The following USP7 variants were observed in gnomAD, a reference collection of about 807,000 sequenced individuals.
The protein encoded by USP7 is ubiquitin specific peptidase 7, also known as ubiquitin C-terminal hydrolase 7.
A neutral mutation model predicts 162.9 loss-of-function variants in USP7; 9 were observed. The observed-to-expected ratio is 0.06, with a 90% CI of 0.03 to 0.10. The LOEUF (loss-of-function observed/expected upper bound fraction) is 0.10. USP7 is among the 10% of genes least tolerant of loss of function. The pLI is 1.00. For missense variants in USP7, 715 were observed against 1,373.7 expected (o/e 0.52, Z 7.58); for synonymous variants, 562 against 475.9 (o/e 1.18, Z -2.35).
intron 21 of USP7, 128 bp from the exon 22 acceptor site, chr16:8,899,885 CT>C (rs1358155839): frequency 8.6e-7 from 1 of 1,167,042 alleles, no homozygotes; most frequent in Non-Finnish European, 1.3e-6. Context: ...TCAGGTTCCC[CT>C]TTGAGGGGGC....
chr16:8,944,952 A>G (rs985932183), intron 1 of USP7, among the ~76,000 whole-genome samples: 18 of 152,148 alleles, frequency 1.2e-4, no homozygotes, highest in African/African-American at 4.3e-4. Flanking sequence ...TACTAAAAAT[A>G]CAAAAATTAG....
In USP7 at chr16:8,954,173, TGCG is replaced by T. The variant is rs1899683320; in HGVS notation, c.79+9031_79+9033del. ...AGGCAGAGGGAAGACACGTGCCCCC[TGCG>T]GTGCCACTGGAGGCAGAGGGAAGAC... On this transcript the variant is annotated intron_variant, in intron 1 of 30. Transcript: ENST00000344836. 6.1e-5 allele frequency among the ~76,000 whole-genome samples: 4 copies of T among 65,892 alleles called. 1 individual carries two copies. Among genetic ancestry groups the T allele is most frequent in the Admixed American group, 1.7e-4 (1 of 5,978 alleles). The allele number at this position is 65,892 out of a possible 152,430, so 43.2% of individuals were successfully genotyped here. A position where few individuals can be genotyped will look rare whatever the true frequency, so the allele number is the denominator to read the frequency against.
intron 1 of USP7, chr16:8,962,549 C>A (rs1308943067): frequency 4.6e-6 from 2 of 433,364 alleles, no homozygotes; most frequent in Non-Finnish European, 9.3e-6. Context: ...AAGCGCACAC[C>A]TGGCCGGATG....
chr16:8,900,110 C>A (rs1896271505), intron 21 of USP7: 1 of 384,310 alleles, frequency 2.6e-6, no homozygotes, highest in Admixed American at 4.5e-5. Context: ...GACCGTGAGT[C>A]AGGAAATCTG....
chr16:8,929,416 T>A (rs1461285758), intron 2 of USP7: 3 of 452,848 alleles, frequency 6.6e-6, no homozygotes, highest in East Asian at 6.9e-5. Flanking sequence ...AACCGCACTG[T>A]GAGAGAACTC....
Position 8,893,830 on chromosome 16 carries a change from T to C in USP7, c.*168A>G, listed in dbSNP as rs1483401345. ...TCTTCATTTTGCTCAAAAAGGGCAGTCAATAGATACAGAGAAGCCAAACTG... is the reference window on the plus strand; with the variant it reads ...TCTTCATTTTGCTCAAAAAGGGCAGCCAATAGATACAGAGAAGCCAAACTG... On this transcript the variant is annotated 3_prime_UTR_variant, in exon 31 of 31. Transcript: ENST00000344836. 3.3e-6 allele frequency: 2 copies of C among 613,900 alleles called. No individual in the cohort carries two copies. Among genetic ancestry groups the C allele is most frequent in the African/African-American group, 3.7e-5 (2 of 54,156 alleles). The allele number at this position is 613,900 out of a possible 1,614,324, so 38.0% of individuals were successfully genotyped here.
intron 8 of USP7, 50 bp from the exon 9 acceptor site, chr16:8,915,575 A>G: frequency 6.9e-7 from 1 of 1,455,122 alleles, no homozygotes; most frequent in East Asian, 2.3e-5. Context: ...ACTTAGTAAT[A>G]TATACAGTAA....
intron 1 of USP7, among the ~76,000 whole-genome samples, chr16:8,953,342 G>A (rs1224157543): frequency 1.3e-5 from 2 of 152,056 alleles, no homozygotes; most frequent in African/African-American, 2.4e-5. Flanking sequence ...AGCCAGACCC[G>A]TTCCTGCCAG....
At chr16:8,897,199 TC>T in intron 25 of USP7, 100 bp from the exon 26 acceptor site, 1 of 901,300 alleles carries the variant, frequency 1.1e-6, no homozygotes, top group Non-Finnish European at 1.8e-6. Flanking sequence ...TTCTCAACTG[TC>T]CCCAGCTGGC....
intron 1 of USP7, among the ~76,000 whole-genome samples, chr16:8,937,769 G>C (rs1312435850): frequency 6.6e-6 from 1 of 152,126 alleles, no homozygotes; most frequent in Non-Finnish European, 1.5e-5. Flanking sequence ...AGCAATTCAA[G>C]GCAGACAAAA....
chr16:8,951,674 G>A (rs1899559003), intron 1 of USP7, among the ~76,000 whole-genome samples: 1 of 152,194 alleles, frequency 6.6e-6, no homozygotes, highest in South Asian at 2.1e-4. Flanking sequence ...ATGCTGAGAC[G>A]CTGTGCACCT....
intron 1 of USP7, among the ~76,000 whole-genome samples, chr16:8,955,547 A>C (rs1899753227): frequency 6.6e-6 from 1 of 152,106 alleles, no homozygotes; most frequent in Non-Finnish European, 1.5e-5. Flanking sequence ...CTCTACTAAA[A>C]TACAAAAAAT....
intron 1 of USP7, among the ~76,000 whole-genome samples, chr16:8,949,830 A>T (rs1424987702): frequency 1.3e-5 from 2 of 152,226 alleles, no homozygotes; most frequent in Admixed American, 1.3e-4. Flanking sequence ...ACCAGCAAGT[A>T]TGCCCTAAGC....
At chr16:8,926,129 G>A (rs1340387094) in intron 2 of USP7, among the ~76,000 whole-genome samples, 1 of 150,042 alleles carries the variant, frequency 6.7e-6, no homozygotes, top group Non-Finnish European at 1.5e-5. Flanking sequence ...ACTCTAGCCT[G>A]GGCGACAGAG....
chr16:8,898,778 C>G, intron 23 of USP7, 139 bp from the exon 24 acceptor site: 1 of 677,768 alleles, frequency 1.5e-6, no homozygotes, highest in East Asian at 2.7e-5. Context: ...TAACTTAATA[C>G]TCCTGTTTCC....
At chr16:8,905,371 T>C (rs757311930) in intron 13 of USP7, 40 bp from the exon 14 acceptor site, 62 of 1,606,570 alleles carry the variant, frequency 3.9e-5, no homozygotes, top group Non-Finnish European at 5.1e-5. Flanking sequence ...GATCAAGCAC[T>C]GTGACAAGTA....
At chr16:8,908,653 T>C (rs1478753698) in intron 11 of USP7, among the ~76,000 whole-genome samples, 1 of 152,236 alleles carries the variant, frequency 6.6e-6, no homozygotes, top group East Asian at 1.9e-4. Context: ...AAAATAATGC[T>C]GCACCAGCAC....
intron 10 of USP7, 111 bp downstream of exon 10, chr16:8,915,142 AG>A (rs2062009044): frequency 3.9e-6 from 4 of 1,020,372 alleles, no homozygotes; most frequent in Non-Finnish European, 5.6e-6. Context: ...TTAAGATCTG[AG>A]CCATTCTCTG....
At chr16:8,917,234 C>T in intron 6 of USP7, 78 bp from the exon 7 acceptor site, 2 of 1,460,420 alleles carry the variant, frequency 1.4e-6, no homozygotes, top group South Asian at 2.9e-5. Context: ...ATTTAATCTT[C>T]ATGTTTAAAA....
Sources: gnomAD v4.1 joint callset for allele counts (sites outside exome capture counted in the v4.1 genomes callset) on GRCh38, gnomAD v4.1.1 for gene constraint, MANE v1.5 for transcripts, NCBI Gene and HGNC (gene_info 2026-07-23, HGNC 2026-07-21) for gene names.